The following ARHGAP42 variants were observed in gnomAD, a reference collection of about 807,000 sequenced individuals.
ARHGAP42 encodes the protein rho GTPase-activating protein 42.
A neutral mutation model predicts 125.0 loss-of-function variants in ARHGAP42; 63 were observed. That is an observed-to-expected ratio of 0.50 (90% CI 0.41 to 0.62). The LOEUF (loss-of-function observed/expected upper bound fraction) is 0.62. ARHGAP42 is among the 20% of genes least tolerant of loss of function. ARHGAP42 has a pLI of 0.00. For synonymous variants in ARHGAP42, 339 were observed against 351.0 expected (o/e 0.97, Z 0.38); for missense variants, 766 against 1,024.2 (o/e 0.75, Z 3.44).
chr11:100,867,760 C>T (rs1454069580), intron 4 of ARHGAP42, among the ~76,000 whole-genome samples: 2 of 152,208 alleles, frequency 1.3e-5, no homozygotes, highest in East Asian at 1.9e-4. Flanking sequence ...CTCTTAGCCT[C>T]TGTCAGCTTT....
intron 3 of ARHGAP42, among the ~76,000 whole-genome samples, chr11:100,807,452 T>A (rs1864025419): frequency 6.6e-6 from 1 of 152,176 alleles, no homozygotes; most frequent in Non-Finnish European, 1.5e-5. Flanking sequence ...CGCCTCGGTC[T>A]CCCAAAGTGC....
intron 1 of ARHGAP42, among the ~76,000 whole-genome samples, chr11:100,763,710 G>A (rs1466508214): frequency 1.1e-4 from 16 of 151,892 alleles, no homozygotes; most frequent in African/African-American, 3.1e-4. Flanking sequence ...GGCTGGTCTC[G>A]AACTTCTGAT....
chr11:100,874,562 A>C (rs1865767321), intron 4 of ARHGAP42, among the ~76,000 whole-genome samples: 1 of 152,204 alleles, frequency 6.6e-6, no homozygotes, highest in South Asian at 2.1e-4. Context: ...CATCAAGTGA[A>C]GGGCAGACTT....
chr11:100,924,632 A>G (rs968551542), intron 6 of ARHGAP42, among the ~76,000 whole-genome samples: 2 of 151,790 alleles, frequency 1.3e-5, no homozygotes, highest in African/African-American at 2.4e-5. Flanking sequence ...GCGCCGCTGG[A>G]CTCCAGCCTG....
rs185459171 is a variant in ARHGAP42 at position 100,812,853 on chromosome 11, A to C, written c.312+17687A>C. ...TAGGACTCTTTAGGCCTTGTAAGGA[A>C]TTAGACTTTTGCTCTGTAGAAGGGT... On this transcript the variant is annotated intron_variant, in intron 3 of 23. Coordinates refer to ENST00000298815, the MANE Select transcript of ARHGAP42 (RefSeq NM_152432.4). 2.0e-5 allele frequency among the ~76,000 whole-genome samples: 3 copies of C among 152,304 alleles called. No homozygotes were observed. In the East Asian group the frequency reaches 5.8e-4, roughly 29 times the overall value.
chr11:100,931,246 T>C (rs2135258072), intron 6 of ARHGAP42, among the ~76,000 whole-genome samples: 1 of 152,326 alleles, frequency 6.6e-6, no homozygotes, highest in African/African-American at 2.4e-5. Context: ...TTTCATGTTT[T>C]CAGATTAGTA....
At chr11:100,804,847 G>A (rs1488520873) in intron 3 of ARHGAP42, among the ~76,000 whole-genome samples, 9 of 152,144 alleles carry the variant, frequency 5.9e-5, no homozygotes, top group Admixed American at 5.2e-4. Context: ...TGTCGGTAAC[G>A]TCATTTGATT....
chr11:100,736,797 C>T (rs971857413), intron 1 of ARHGAP42, among the ~76,000 whole-genome samples: 4 of 152,014 alleles, frequency 2.6e-5, no homozygotes, highest in South Asian at 2.1e-4. Flanking sequence ...CTTACATAAA[C>T]GATAGTGTCT....
At chr11:100,984,633 T>C (rs1858627893) in intron 22 of ARHGAP42, among the ~76,000 whole-genome samples, 1 of 152,030 alleles carries the variant, frequency 6.6e-6, no homozygotes, top group Non-Finnish European at 1.5e-5. Context: ...CCTCATTAAA[T>C]GCATTAGACG....
chr11:100,807,933 T>A (rs1864037973), intron 3 of ARHGAP42, among the ~76,000 whole-genome samples: 1 of 152,198 alleles, frequency 6.6e-6, no homozygotes, highest in Non-Finnish European at 1.5e-5. Flanking sequence ...ATAAACCATG[T>A]TTTGATGTTC....
At chr11:100,913,366 C>T (rs1260084403) in intron 4 of ARHGAP42, 86 bp from the exon 5 acceptor site, 2 of 435,248 alleles carry the variant, frequency 4.6e-6, no homozygotes. Flanking sequence ...TAAATAATTA[C>T]ATGGGACTTT....
In ARHGAP42 at chr11:100,993,392, G is replaced by T. The variant is rs1858893693; in HGVS notation, c.*4591G>T. 1 of 166,822 alleles carries T rather than the reference G, an allele frequency of 6.0e-6. No homozygotes were observed. Among genetic ancestry groups the T allele is most frequent in the African/African-American group, 2.4e-5 (1 of 41,358 alleles). The allele number at this position is 166,822 out of a possible 1,614,324, so 10.3% of individuals were successfully genotyped here. A position where few individuals can be genotyped will look rare whatever the true frequency, so the allele number is the denominator to read the frequency against. On this transcript the variant is annotated 3_prime_UTR_variant, in exon 24 of 24. Transcript: ENST00000298815. The stretch of plus-strand genomic sequence containing the variant: ...GCAGCATTTTTGAGGCTTTATATCT[G>T]CCCGTGTACCCTCAACTGCCTCCTT...
intron 4 of ARHGAP42, among the ~76,000 whole-genome samples, chr11:100,878,005 A>AG (rs1157587389): frequency 1.6e-5 from 2 of 128,216 alleles, no homozygotes; most frequent in African/African-American, 6.3e-5. Context: ...ACTCTGTCCC[A>AG]GAAAAAAAAA....
intron 3 of ARHGAP42, among the ~76,000 whole-genome samples, chr11:100,811,005 G>C (rs553649876): frequency 1.1e-4 from 17 of 152,240 alleles, no homozygotes; most frequent in Admixed American, 4.6e-4. Context: ...ACCCCGGCTG[G>C]AGTGCAGTGG....
At position 100,709,422 on chromosome 11, in the gene ARHGAP42, C is replaced by T. The variant is rs993215201; in HGVS notation, c.154+21590C>T. ...GTGACAGATGGGTAGGTAGGATATA[C>T]AGCATGGAGAAGCTGGACAGTGGGG... is the stretch of plus-strand genomic sequence containing the variant. On this transcript the variant is annotated intron_variant, in intron 1 of 23. Coordinates refer to ENST00000298815, the MANE Select transcript of ARHGAP42 (RefSeq NM_152432.4). Among the ~76,000 whole-genome samples, 6 of 152,208 alleles carry T rather than the reference C, an allele frequency of 3.9e-5. No individual in the cohort carries two copies. In the East Asian group the frequency reaches 1.2e-3, roughly 29 times the overall value.
At chr11:100,932,794 C>T (rs1310496430) in intron 6 of ARHGAP42, among the ~76,000 whole-genome samples, 1 of 152,128 alleles carries the variant, frequency 6.6e-6, no homozygotes, top group Non-Finnish European at 1.5e-5. Flanking sequence ...CGTTGCACAT[C>T]TTTTATCCCC....
At chr11:100,847,243 GTAATGAATCTCCAGT>G (rs1253798905) in intron 3 of ARHGAP42, among the ~76,000 whole-genome samples, 1 of 152,156 alleles carries the variant, frequency 6.6e-6, no homozygotes, top group Non-Finnish European at 1.5e-5. Context: ...ACATAGATAA[GTAATGAATCTCCAGT>G]TGGCCACTCT....
At chr11:100,944,537 T>C (rs1450811440) in intron 10 of ARHGAP42, among the ~76,000 whole-genome samples, 6 of 152,068 alleles carry the variant, frequency 3.9e-5, no homozygotes, top group African/African-American at 1.4e-4. Flanking sequence ...ATGATGACTT[T>C]CTATATATGC....
chr11:100,954,960 T>C (rs1443538336), intron 12 of ARHGAP42, among the ~76,000 whole-genome samples: 1 of 152,166 alleles, frequency 6.6e-6, no homozygotes, highest in Non-Finnish European at 1.5e-5. Context: ...GAATTAAAAA[T>C]TAAAGACAAA....
Sources: allele counts gnomAD v4.1 joint callset (sites outside exome capture counted in the v4.1 genomes callset), GRCh38; gene constraint gnomAD v4.1.1; transcripts MANE v1.5; gene names NCBI Gene and HGNC (gene_info 2026-07-23, HGNC 2026-07-21).